RANBP9: variants seen among roughly 807,000 people sequenced by gnomAD.
RANBP9 encodes the protein RAN binding protein 9.
Under a neutral mutation model 84.3 loss-of-function variants are expected in RANBP9, and 15 were observed. The ratio of observed to expected loss-of-function variants is 0.18; its 90% confidence interval spans 0.12 to 0.27. The LOEUF is 0.27. Ranked by LOEUF, RANBP9 falls within the 10% of genes least tolerant of loss-of-function variation. The pLI, the probability that RANBP9 is intolerant of heterozygous loss-of-function variation, is 1.00. For synonymous variants in RANBP9, 392 were observed against 349.6 expected (o/e 1.12, Z -1.35); for missense variants, 809 against 912.8 (o/e 0.89, Z 1.46).
intron 13 of RANBP9, among the ~76,000 whole-genome samples, chr6:13,623,786 G>C (rs367951297): frequency 6.6e-6 from 1 of 152,100 alleles, no homozygotes; most frequent in East Asian, 1.9e-4. Context: ...TACAGGAATC[G>C]CATACATTTA....
At chr6:13,634,243 A>C (rs1764875888) in intron 11 of RANBP9, among the ~76,000 whole-genome samples, 188 bp downstream of exon 11, 1 of 152,220 alleles carries the variant, frequency 6.6e-6, no homozygotes. Context: ...CTGTAGCTGA[A>C]AGGTAACTCT....
chr6:13,687,556 T>C (rs563868928), intron 2 of RANBP9, among the ~76,000 whole-genome samples: 1 of 152,146 alleles, frequency 6.6e-6, no homozygotes, highest in African/African-American at 2.4e-5. Flanking sequence ...CATTTAATCT[T>C]CTAAGACAAA....
intron 6 of RANBP9, among the ~76,000 whole-genome samples, chr6:13,644,119 T>C (rs1765126905): frequency 6.6e-6 from 1 of 152,192 alleles, no homozygotes. Context: ...ATTAAGAGCT[T>C]GGACATAGCC....
At chr6:13,703,359 G>T (rs1758023083) in intron 1 of RANBP9, among the ~76,000 whole-genome samples, 1 of 152,050 alleles carries the variant, frequency 6.6e-6, no homozygotes, top group Admixed American at 6.6e-5. Context: ...ACCTACAAGT[G>T]ACTCCTAAAT....
chr6:13,662,943 G>GA (rs1180317568), intron 2 of RANBP9, among the ~76,000 whole-genome samples: 1 of 152,032 alleles, frequency 6.6e-6, no homozygotes, highest in Admixed American at 6.6e-5. Context: ...GGTATGGGGG[G>GA]AAAGAGTCCT....
chr6:13,626,041 G>A (rs1403205947), intron 12 of RANBP9, among the ~76,000 whole-genome samples: 1 of 152,180 alleles, frequency 6.6e-6, no homozygotes, highest in Non-Finnish European at 1.5e-5. Context: ...TCAAAGGAAT[G>A]AACTAGTACT....
Position 13,637,852 on chromosome 6 carries a change from G to A in RANBP9, c.1629C>T (p.Asn543=). 6.2e-7 allele frequency: 1 copy of A among 1,610,016 alleles called. No homozygotes were observed. The highest frequency in any genetic ancestry group is 1.3e-5 in the African/African-American group (1 of 74,830). ...GCTGTGATCTTGACATATTTATACT[G>A]TTTAGTTCTGGTACATTCAAGTTGG... ...QSSNLNVPEL[N]SINMSRSQQV... Residue 543 remains asparagine (N), a synonymous_variant, in exon 10 of 14, where the codon AAC becomes AAT. Transcript: ENST00000011619.
intron 12 of RANBP9, among the ~76,000 whole-genome samples, chr6:13,630,973 C>A (rs574446358): frequency 1.3e-5 from 2 of 152,146 alleles, no homozygotes; most frequent in East Asian, 1.9e-4. Context: ...CCAGGCCCAG[C>A]TACTTTTTTG....
intron 11 of RANBP9, 89 bp from the exon 12 acceptor site, chr6:13,632,610 A>G (rs1324793501): frequency 1.6e-6 from 2 of 1,225,962 alleles, no homozygotes; most frequent in Non-Finnish European, 2.3e-6. Context: ...CATTTTGTAC[A>G]TTTAGTAACT....
At chr6:13,709,832 A>C (rs919883675) in intron 1 of RANBP9, among the ~76,000 whole-genome samples, 4 of 152,248 alleles carry the variant, frequency 2.6e-5, no homozygotes, top group Non-Finnish European at 5.9e-5. Flanking sequence ...GAATTTAACC[A>C]CAAGGTTGTT....
chr6:13,632,118 C>CTTTTTTT (rs752500098), intron 12 of RANBP9, among the ~76,000 whole-genome samples: 1 of 74,922 alleles, frequency 1.3e-5, no homozygotes, highest in Non-Finnish European at 2.6e-5. Context: ...GGATTTAATC[C>CTTTTTTT]TTTTTTTTTT....
chr6:13,656,473 C>A (rs1322797338), intron 4 of RANBP9, among the ~76,000 whole-genome samples: 3 of 151,956 alleles, frequency 2.0e-5, no homozygotes, highest in Non-Finnish European at 4.4e-5. Context: ...GCTATGAGTA[C>A]ATGAATAGTC....
chr6:13,629,934 G>T (rs1370121666), intron 12 of RANBP9, among the ~76,000 whole-genome samples: 1 of 151,742 alleles, frequency 6.6e-6, no homozygotes, highest in Non-Finnish European at 1.5e-5. Flanking sequence ...GTGTGTGTGT[G>T]TGTGTGTGTA....
chr6:13,701,626 C>T (rs1757972921), intron 1 of RANBP9, among the ~76,000 whole-genome samples: 1 of 151,896 alleles, frequency 6.6e-6, no homozygotes, highest in South Asian at 2.1e-4. Context: ...AAAAAGTGGC[C>T]AGGCATGGTG....
chr6:13,641,057 G>C (rs914318297), intron 8 of RANBP9, 142 bp downstream of exon 8: 2 of 480,264 alleles, frequency 4.2e-6, no homozygotes, highest in Non-Finnish European at 7.1e-6. Flanking sequence ...ATAACATGTT[G>C]CTTAAATGAC....
chr6:13,655,011 C>T (rs1255977732), intron 4 of RANBP9, among the ~76,000 whole-genome samples: 1 of 152,238 alleles, frequency 6.6e-6, no homozygotes, highest in African/African-American at 2.4e-5. Context: ...AACTGAGGCA[C>T]AGAAATGTTA....
chr6:13,688,080 T>A (rs1286985298), intron 2 of RANBP9, among the ~76,000 whole-genome samples: 1 of 152,226 alleles, frequency 6.6e-6, no homozygotes, highest in Non-Finnish European at 1.5e-5. Context: ...TCACACCAGG[T>A]ACTCTAATAA....
At chr6:13,678,897 A>G (rs1765961441) in intron 2 of RANBP9, among the ~76,000 whole-genome samples, 1 of 152,202 alleles carries the variant, frequency 6.6e-6, no homozygotes, top group South Asian at 2.1e-4. Context: ...CTATTAATAT[A>G]CAAAATAAAT....
At chr6:13,708,846 C>G (rs1439475167) in intron 1 of RANBP9, among the ~76,000 whole-genome samples, 4 of 151,734 alleles carry the variant, frequency 2.6e-5, no homozygotes, top group Admixed American at 1.3e-4. Context: ...CACACACACA[C>G]AGTCTACAGT....
Sources: gnomAD v4.1 joint callset for allele counts (sites outside exome capture counted in the v4.1 genomes callset) on GRCh38, gnomAD v4.1.1 for gene constraint, MANE v1.5 for transcripts, NCBI Gene and HGNC (gene_info 2026-07-23, HGNC 2026-07-21) for gene names.